Variants in TGM5 observed in about 807,000 individuals in gnomAD.
The protein encoded by TGM5 is transglutaminase 5.
TGM5 carries 69 observed loss-of-function variants against 77.2 expected under a neutral mutation model. The ratio of observed to expected loss-of-function variants is 0.89; its 90% confidence interval spans 0.74 to 1.09. The LOEUF is 1.09. Among genes scored for constraint, TGM5 ranks in the 50% least tolerant of loss-of-function variants. TGM5 has a pLI of 0.00. For missense variants in TGM5, 842 were observed against 896.5 expected (o/e 0.94, Z 0.78); for synonymous variants, 346 against 351.8 (o/e 0.98, Z 0.18).
intron 10 of TGM5, 69 bp downstream of exon 10, chr15:43,235,400 G>A: frequency 2.5e-6 from 4 of 1,610,032 alleles, no homozygotes; most frequent in Non-Finnish European, 3.4e-6. Flanking sequence ...CCAGAACCCT[G>A]TTGGCTGGCT....
rs530680672 is a variant in TGM5, at chr15:43,234,906, A to T, written c.1738T>A (p.Ser580Thr). 1 of 1,614,092 alleles carries T rather than the reference A, an allele frequency of 6.2e-7. No homozygotes were observed. The highest frequency in any genetic ancestry group is 1.1e-5 in the South Asian group (1 of 91,074). Residue 580 changes from serine to threonine, a missense_variant, in exon 11 of 13, where the codon TCC becomes ACC. Physicochemically the swap from Ser to Thr is moderately conservative, Grantham distance 58. Around this residue, in one of 2 missense-constraint regions of TGM5, gnomAD observed 815 missense variants for 844.6 expected, o/e 0.96. Transcript: ENST00000220420. ...AGGTACTGGCTGTACTGGGAATAGG[A>T]GATTTTGCAGGGGTAGGTCTTTGCT... ...KEAKTYPCKI[S>T]YSQYSQYLST...
Position 43,238,878 on chromosome 15 carries a change from G to A in TGM5, c.1284C>T (p.Ser428=), listed in dbSNP as rs374437289. Residue 428 remains serine, a synonymous_variant, in exon 9 of 13, where the codon AGC becomes AGT. Coordinates refer to ENST00000220420, the MANE Select transcript of TGM5 (RefSeq NM_201631.4). The stretch of plus-strand genomic sequence containing the variant: ...GCTCGTCACTCTGGATGCTCTTTGT[G>A]CTGATAAAATTGCCAACAGAACTCG... The part of the protein sequence containing the change: ...QDTSSVGNFI[S]TKSIQSDERD... The A allele has an allele frequency of 8.1e-6, 13 of 1,614,196 alleles. No homozygotes were observed. Among genetic ancestry groups the A allele is most frequent in the Non-Finnish European group, 1.1e-5 (13 of 1,180,036 alleles).
In TGM5 at chr15:43,260,190, T is replaced by C; in HGVS notation, c.298A>G (p.Thr100Ala). The change falls in exon 3 of 13, where the codon ACA (threonine) becomes GCA (alanine). Residue 100 changes from threonine (T) to alanine (A), a missense_variant. By Grantham distance (58) the Thr-to-Ala change is moderately conservative (BLOSUM62 0). Around this residue, in one of 2 missense-constraint regions of TGM5, gnomAD observed 815 missense variants for 844.6 expected, o/e 0.96. Transcript: ENST00000220420. ...GGAGGAGCGCACAAGCTCACCTCTGTGGAGGTGGCCCCATTGGTCTCCAGC... is the reference window on the plus strand; with the variant it reads ...GGAGGAGCGCACAAGCTCACCTCTGCGGAGGTGGCCCCATTGGTCTCCAGC... ...AWLETNGATS[T>A]EVSLCAPPTA... 6.2e-7 allele frequency: 1 copy of C among 1,614,054 alleles called. No individual in the cohort carries two copies. Among genetic ancestry groups the C allele is most frequent in the Non-Finnish European group, 8.5e-7 (1 of 1,180,016 alleles).
chr15:43,260,954 G>C (rs2042781440), intron 1 of TGM5, among the ~76,000 whole-genome samples: 1 of 151,914 alleles, frequency 6.6e-6, no homozygotes, highest in African/African-American at 2.4e-5. Flanking sequence ...CGCTTTCTTG[G>C]ACTCAAGTTA....
intron 6 of TGM5, among the ~76,000 whole-genome samples, chr15:43,246,845 A>T (rs1161177799): frequency 6.6e-6 from 1 of 152,220 alleles, no homozygotes; most frequent in Non-Finnish European, 1.5e-5. Flanking sequence ...AGGGCATTTG[A>T]TAAGAGTCTT....
At position 43,238,811 on chromosome 15, in the gene TGM5, A is replaced by C. The variant is rs1404429787; in HGVS notation, c.1345+6T>G. On this transcript the variant is annotated splice_donor_region_variant and intron_variant, in intron 9 of 12. Coordinates refer to ENST00000220420, the MANE Select transcript of TGM5 (RefSeq NM_201631.4). Reference sequence around the variant, plus strand: ...GGCTCTGAGTAGGGCTGGCTTGCTTACTTACCTTCTTCATACTTGTAGTTC... The same window carrying C: ...GGCTCTGAGTAGGGCTGGCTTGCTTCCTTACCTTCTTCATACTTGTAGTTC... The C allele has an allele frequency of 1.9e-5, 30 of 1,613,664 alleles. No individual in the cohort carries two copies. Among genetic ancestry groups the C allele is most frequent in the Non-Finnish European group, 2.3e-5 (27 of 1,179,906 alleles).
chr15:43,251,761 A>G (rs887173642), intron 6 of TGM5, among the ~76,000 whole-genome samples: 1 of 152,076 alleles, frequency 6.6e-6, no homozygotes, highest in African/African-American at 2.4e-5. Context: ...ATTTCCAAGT[A>G]TCACTCCCCT....
rs1355024691 is a variant in TGM5, at chr15:43,234,796, G to A, written c.1848C>T (p.Thr616=). The change falls in exon 11 of 13, where the codon ACC becomes ACT. Residue 616 remains threonine (T), a synonymous_variant. Transcript: ENST00000220420. ...TAATCGTGATGCTTGGATAAGATAA[G>A]GTGATGATCTTGTTCACCAGGATTT... ...PEKILVNKII[T]LSYPSITINV... 4 of 1,614,226 alleles carry A rather than the reference G, an allele frequency of 2.5e-6. No homozygotes were observed. The highest frequency in any genetic ancestry group is 3.4e-6 in the Non-Finnish European group (4 of 1,180,038).
At chr15:43,259,444 T>A (rs2042768838) in intron 3 of TGM5, among the ~76,000 whole-genome samples, 1 of 151,404 alleles carries the variant, frequency 6.6e-6, no homozygotes, top group Admixed American at 6.6e-5. Context: ...AAAGTTGAAT[T>A]GTTAAATTAA....
chr15:43,249,871 C>A (rs1228553774), intron 6 of TGM5, among the ~76,000 whole-genome samples: 1 of 152,340 alleles, frequency 6.6e-6, no homozygotes, highest in South Asian at 2.1e-4. Flanking sequence ...AATGTGTCAA[C>A]GTGTTGAAAG....
chr15:43,253,518 C>A lies in TGM5; in HGVS notation c.672G>T (p.Val224=). ...LRGSPVYVSR[V]VCAMINSNDD... is the part of the protein sequence containing the mutation. The stretch of plus-strand genomic sequence containing the variant: ...CCAGGGACCTCACCATGGCACACAC[C>A]ACTCTGCTGACGTAGACGGGGCTTC... The change falls in exon 5 of 13, where the codon GTG becomes GTT. Residue 224 remains valine (V), a synonymous_variant. Coordinates refer to ENST00000220420, the MANE Select transcript of TGM5 (RefSeq NM_201631.4). 1 of 1,612,536 alleles carries A rather than the reference C, an allele frequency of 6.2e-7. No individual in the cohort carries two copies. The highest frequency in any genetic ancestry group is 8.5e-7 in the Non-Finnish European group (1 of 1,180,024).
chr15:43,241,035 G>A (rs757185273), intron 6 of TGM5, 45 bp from the exon 7 acceptor site: 76 of 1,613,320 alleles, frequency 4.7e-5, no homozygotes, highest in Middle Eastern at 1.6e-4. Flanking sequence ...TGTAGATTCC[G>A]GACCCGTATA....
intron 5 of TGM5, 74 bp downstream of exon 5, chr15:43,253,432 C>T (rs1264686431): frequency 3.7e-5 from 59 of 1,594,818 alleles, no homozygotes; most frequent in Admixed American, 2.4e-4. Flanking sequence ...TCACCCACTG[C>T]AGGGGGCAAC....
intron 4 of TGM5, 143 bp from the exon 5 acceptor site, chr15:43,253,777 T>C (rs2042724570): frequency 2.6e-6 from 3 of 1,164,176 alleles, no homozygotes; most frequent in Non-Finnish European, 3.8e-6. Context: ...ATGAATTCCC[T>C]CCCATTCAGG....
At chr15:43,258,364 C>T (rs1461793530) in intron 3 of TGM5, among the ~76,000 whole-genome samples, 1 of 152,016 alleles carries the variant, frequency 6.6e-6, no homozygotes, top group Non-Finnish European at 1.5e-5. Flanking sequence ...CATAGCAAAT[C>T]TGTATGTGTA....
In TGM5 at chr15:43,260,561, G is replaced by A; in HGVS notation, c.29C>T (p.Thr10Ile). Residue 10 changes from threonine (T) to isoleucine (I), a missense_variant, in exon 2 of 13, where the codon ACA (threonine) becomes ATA (isoleucine). By Grantham distance (89) the Thr-to-Ile change is moderately conservative (BLOSUM62 -1). This residue lies in a region of TGM5 where 815 missense variants were observed against 844.6 expected (regional missense o/e 0.96). Transcript: ENST00000220420. ...ATTATTTCTGGAGCTCTGGAGGTCT[G>A]TGAGGGCCACTTCTAGCCCTGCAAT... MAQGLEVAL[T>I]DLQSSRNNVR... is the part of the protein sequence containing the mutation. The A allele has an allele frequency of 6.2e-7, 1 of 1,614,104 alleles. No individual in the cohort carries two copies. Among genetic ancestry groups the A allele is most frequent in the Non-Finnish European group, 8.5e-7 (1 of 1,179,950 alleles).
At chr15:43,238,721 G>T in intron 9 of TGM5, 96 bp downstream of exon 9, 2 of 1,542,632 alleles carry the variant, frequency 1.3e-6, no homozygotes, top group Middle Eastern at 4.0e-4. Context: ...AGACAGTGGG[G>T]CTGGGTCCTG....
intron 9 of TGM5, among the ~76,000 whole-genome samples, chr15:43,236,731 C>A (rs2042593052): frequency 1.3e-5 from 2 of 151,958 alleles, no homozygotes; most frequent in Non-Finnish European, 2.9e-5. Flanking sequence ...CTTTGGGAGG[C>A]CAAGGAGGGT....
rs1566837497 is a variant in TGM5, at chr15:43,261,085, T to TGTTTTTG, written c.11-507_11-506insCAAAAAC. Among the ~76,000 whole-genome samples the TGTTTTTG allele has an allele frequency of 2.5e-5, 3 of 119,172 alleles. 1 individual carries two copies. The highest frequency in any genetic ancestry group is 9.7e-5 in the African/African-American group (3 of 30,944). 78.2% of individuals were successfully genotyped at this position (119,172 alleles called of 152,430 possible). On this transcript the variant is annotated intron_variant, in intron 1 of 12. Transcript: ENST00000220420. Reference sequence around the variant, plus strand: ...CTTTTTTTGTGTGTGTGTTTTTTTTTTTTTTTTTTTTTTTTTTTTTTTGAG... The same window carrying TGTTTTTG: ...CTTTTTTTGTGTGTGTGTTTTTTTTTGTTTTTGTTTTTTTTTTTTTTTTTTTTTTGAG...
Sources: gnomAD v4.1 joint callset for allele counts (sites outside exome capture counted in the v4.1 genomes callset) on GRCh38, gnomAD v4.1.1 for gene constraint, gnomAD v4.1.1 regional missense constraint, MANE v1.5 for transcripts, NCBI Gene and HGNC (gene_info 2026-07-23, HGNC 2026-07-21) for gene names.